NFX1: variants seen among roughly 807,000 people sequenced by gnomAD.
NFX1 encodes transcriptional repressor NF-X1.
Under a neutral mutation model 137.2 loss-of-function variants are expected in NFX1, and 69 were observed. The ratio of observed to expected loss-of-function variants is 0.50; its 90% CI spans 0.41 to 0.61. The LOEUF (loss-of-function observed/expected upper bound fraction) is 0.61. Ranked by LOEUF, NFX1 falls within the 20% of genes least tolerant of loss-of-function variation. NFX1 has a pLI of 0.00. For synonymous variants in NFX1, 495 were observed against 474.1 expected, an observed-to-expected ratio of 1.04 and a Z score of -0.57; for missense variants, 1,167 against 1,391.0, an observed-to-expected ratio of 0.84 and a Z score of 2.56.
intron 6 of NFX1, among the ~76,000 whole-genome samples, chr9:33,312,153 G>A (rs760110185): frequency 6.6e-6 from 1 of 152,142 alleles, no homozygotes; most frequent in African/African-American, 2.4e-5. Flanking sequence ...GCAGATTTTC[G>A]GTGAGGTGCG....
At chr9:33,351,510 C>G in intron 15 of NFX1, 50 bp from the exon 16 acceptor site, 1 of 1,551,672 alleles carries the variant, frequency 6.4e-7, no homozygotes, top group Non-Finnish European at 8.9e-7. Flanking sequence ...TTAAAACTCA[C>G]CCCAAATCCC....
chr9:33,296,717 C>A (rs1821369122), intron 2 of NFX1, among the ~76,000 whole-genome samples: 1 of 152,208 alleles, frequency 6.6e-6, no homozygotes, highest in Non-Finnish European at 1.5e-5. Context: ...GAGCAAGACC[C>A]TGTTTTGCGG....
rs147558152 is a variant in NFX1, at chr9:33,367,560, A to G, written c.3231A>G (p.Glu1077=). ...CTACCACGCTGACAGGTGTGCTTGA[A>G]AGGGAAATGCAGGCACGGCCTCCAC... ...CPPTTLTGVL[E]REMQARPPPP... The change falls in exon 23 of 24, where the codon GAA becomes GAG. Residue 1077 remains glutamate, a synonymous_variant. Coordinates refer to ENST00000379540, the MANE Select transcript of NFX1 (RefSeq NM_002504.6). The G allele has an allele frequency of 9.6e-5, 155 of 1,613,962 alleles. No homozygotes were observed. Among genetic ancestry groups the G allele is most frequent in the Middle Eastern group, 8.2e-4 (5 of 6,062 alleles).
chr9:33,332,774 A>G (rs2118500616), intron 11 of NFX1: 4 of 344,774 alleles, frequency 1.2e-5, no homozygotes, highest in Middle Eastern at 8.3e-4. Context: ...ATGGATATGT[A>G]TATGAAAAAA....
intron 21 of NFX1, chr9:33,365,579 G>C (rs1824145614): frequency 6.6e-6 from 1 of 152,194 alleles, no homozygotes; most frequent in Non-Finnish European, 1.5e-5. Flanking sequence ...CTGTACTCCA[G>C]CTTGGATCTC....
chr9:33,365,094 C>A (rs1380944490), intron 21 of NFX1: 1 of 574,558 alleles, frequency 1.7e-6, no homozygotes, highest in Non-Finnish European at 2.3e-6. Flanking sequence ...GCCAACATGA[C>A]GAAACCCTGT....
At chr9:33,331,884 G>A (rs1170602584) in intron 10 of NFX1, among the ~76,000 whole-genome samples, 5 of 152,016 alleles carry the variant, frequency 3.3e-5, no homozygotes, top group Admixed American at 6.6e-5. Flanking sequence ...CACTACACAC[G>A]ATTTTTAGGA....
intron 5 of NFX1, among the ~76,000 whole-genome samples, chr9:33,308,289 A>G (rs1821834017): frequency 6.6e-6 from 1 of 152,138 alleles, no homozygotes; most frequent in African/African-American, 2.4e-5. Flanking sequence ...AAAAAAATTT[A>G]AAATTAGCCA....
Position 33,317,813 on chromosome 9 carries a change from T to TA in NFX1, c.1589-913dup, listed in dbSNP as rs1215380837. On this transcript the variant is annotated intron_variant, in intron 7 of 23. Transcript: ENST00000379540. ...CAACGTGGTGAAACTCCATCTCTCC[T>TA]AAAAATACAGAAATTAGCTGGGCGT... Among the ~76,000 whole-genome samples the TA allele has an allele frequency of 4.6e-5, 7 of 151,534 alleles. No individual in the cohort carries two copies. In the East Asian group the frequency reaches 1.4e-3, roughly 29 times the overall value.
At chr9:33,322,201 GA>G (rs36109934) in intron 9 of NFX1, among the ~76,000 whole-genome samples, 8,898 of 100,942 alleles carry the variant, frequency 0.088, 252 homozygotes, top group East Asian at 0.15. Flanking sequence ...ACTCCATCTC[GA>G]AAAAAAAAAA....
intron 9 of NFX1, among the ~76,000 whole-genome samples, chr9:33,320,692 T>C (rs993570199): frequency 2.0e-5 from 3 of 152,236 alleles, no homozygotes; most frequent in African/African-American, 7.2e-5. Context: ...ACTTGGCAAC[T>C]TCTCTCCTGA....
chr9:33,305,137 T>TA lies in NFX1; in HGVS notation c.1270+1873dup, dbSNP rs571961069. On this transcript the variant is annotated intron_variant, in intron 4 of 23. Transcript: ENST00000379540. Reference sequence around the variant, plus strand: ...GGCACTGTGAAGAAACAGAGGCGAATAAAACGGTTAACTTACCAGAGCTTA... The same window carrying TA: ...GGCACTGTGAAGAAACAGAGGCGAATAAAAACGGTTAACTTACCAGAGCTTA... 2.0e-4 allele frequency among the ~76,000 whole-genome samples: 30 copies of TA among 152,344 alleles called. No individual in the cohort carries two copies. In the East Asian group the frequency reaches 5.6e-3, roughly 28 times the overall value.
intron 11 of NFX1, among the ~76,000 whole-genome samples, chr9:33,336,160 T>C (rs996337297): frequency 1.3e-5 from 2 of 152,228 alleles, no homozygotes; most frequent in African/African-American, 4.8e-5. Context: ...ACCATCAGTG[T>C]ATGAGGGTTT....
At chr9:33,320,593 A>G (rs1226818181) in intron 9 of NFX1, among the ~76,000 whole-genome samples, 1 of 152,198 alleles carries the variant, frequency 6.6e-6, no homozygotes, top group Non-Finnish European at 1.5e-5. Flanking sequence ...GAAACCAGAA[A>G]AAGCTCATTG....
In NFX1 at chr9:33,356,440, A is replaced by G. The variant is rs145512211; in HGVS notation, c.2873+1548A>G. Among the ~76,000 whole-genome samples, 7 of 151,944 alleles carry G rather than the reference A, an allele frequency of 4.6e-5. No individual in the cohort carries two copies. The East Asian group carries it at 1.4e-3, about 29-fold the overall frequency. On this transcript the variant is annotated intron_variant, in intron 19 of 23. Coordinates refer to ENST00000379540, the MANE Select transcript of NFX1 (RefSeq NM_002504.6). ...TGTACCTTCATTTTTTACTCTCTTG[A>G]TGCCTTTTTTTAATCCCAGAAGCTA...
In NFX1 at chr9:33,342,861, G is replaced by A; in HGVS notation, c.2224+7G>A. 6.3e-7 allele frequency: 1 copy of A among 1,581,896 alleles called. No homozygotes were observed. The highest frequency in any genetic ancestry group is 8.7e-7 in the Non-Finnish European group (1 of 1,153,366). ...CAGACATGCTGGCAAGCCAGTGAGTGTCTTTACTGTATAGTTTATTAGAAG... is the reference window on the plus strand; with the variant it reads ...CAGACATGCTGGCAAGCCAGTGAGTATCTTTACTGTATAGTTTATTAGAAG... On this transcript the variant is annotated splice_region_variant and intron_variant, in intron 13 of 23. Transcript: ENST00000379540.
chr9:33,369,804 A>G (rs781456935), intron 23 of NFX1, 102 bp from the exon 24 acceptor site: 1 of 823,218 alleles, frequency 1.2e-6, no homozygotes, highest in Non-Finnish European at 2.0e-6. Flanking sequence ...ATAAATGTTT[A>G]AGATTCACAA....
chr9:33,364,991 C>T (rs905807011), intron 21 of NFX1: 307 of 1,357,458 alleles, frequency 2.3e-4, no homozygotes, highest in Non-Finnish European at 2.8e-4. Flanking sequence ...GATCTACAGT[C>T]GGCTGGGCAC....
At position 33,352,739 on chromosome 9, in the gene NFX1, TAAC is replaced by T. The variant is rs368694321; in HGVS notation, c.2729+24_2729+26del. ...TCAAAGGTTAGTGTTACTTAAATGT[TAAC>T]AACTGATGGCCTAGGTGAAACAGAT... On this transcript the variant is annotated intron_variant, in intron 17 of 23. Transcript: ENST00000379540. The T allele has an allele frequency of 1.6e-3, 2,598 of 1,587,698 alleles. 44 individuals are homozygous for T. The African/African-American group carries it at 0.032, about 20-fold the overall frequency.
Sources: gnomAD v4.1 joint callset for allele counts (sites outside exome capture counted in the v4.1 genomes callset) on GRCh38, gnomAD v4.1.1 for gene constraint, MANE v1.5 for transcripts, NCBI Gene and HGNC (gene_info 2026-07-23, HGNC 2026-07-21) for gene names.